Variants in TENM3 observed in about 807,000 individuals in gnomAD.
TENM3 encodes the protein teneurin-3.
Under a neutral mutation model 255.1 loss-of-function variants are expected in TENM3, and 63 were observed. That is an observed-to-expected ratio of 0.25 (90% CI 0.20 to 0.30). TENM3 has a LOEUF of 0.30. Ranked by LOEUF, TENM3 falls within the 10% of genes least tolerant of loss-of-function variation. The probability of loss-of-function intolerance (pLI) is 1.00; values close to 1 mark genes in which losing one functional copy is unlikely to be tolerated. For synonymous variants in TENM3, 1,306 were observed against 1,322.3 expected, an observed-to-expected ratio of 0.99 and a Z score of 0.27; for missense variants, 2,929 against 3,461.1, an observed-to-expected ratio of 0.85 and a Z score of 3.86.
intron 18 of TENM3, among the ~76,000 whole-genome samples, chr4:182,740,220 T>C (rs1485119746): frequency 1.3e-5 from 2 of 152,180 alleles, no homozygotes; most frequent in African/African-American, 4.8e-5. Context: ...TGCAGTTCAG[T>C]TTGCACCCCG....
chr4:181,518,102 A>G, the TENM3 span, among the ~76,000 whole-genome samples: 61 of 152,220 alleles, frequency 4.0e-4, no homozygotes, highest in African/African-American at 1.4e-3. Flanking sequence ...CAACGGTTGT[A>G]TAATTGACCT....
At chr4:182,653,532 A>G (rs1753504326) in intron 5 of TENM3, among the ~76,000 whole-genome samples, 1 of 152,198 alleles carries the variant, frequency 6.6e-6, no homozygotes. Flanking sequence ...CCTGGTACCA[A>G]TGAAGTGAAT....
At chr4:182,419,333 C>G (rs148028359) in intron 3 of TENM3, among the ~76,000 whole-genome samples, 2,532 of 152,244 alleles carry the variant, frequency 0.017, 53 homozygotes, top group East Asian at 0.068. Flanking sequence ...CCATCTCACA[C>G]CAGTTCGAAT....
chr4:182,353,565 A>G (rs1765320504), intron 3 of TENM3, among the ~76,000 whole-genome samples: 2 of 152,330 alleles, frequency 1.3e-5, no homozygotes, highest in Admixed American at 6.5e-5. Flanking sequence ...TACATTTACA[A>G]TTTCAATAGT....
the TENM3 span, among the ~76,000 whole-genome samples, chr4:181,795,090 G>A: frequency 1.3e-5 from 2 of 152,154 alleles, no homozygotes; most frequent in Non-Finnish European, 2.9e-5. Context: ...TTCTACTCTT[G>A]CATGCTTGCT....
chr4:182,507,153 A>AG (rs1736914775), intron 3 of TENM3, among the ~76,000 whole-genome samples: 2 of 152,128 alleles, frequency 1.3e-5, no homozygotes, highest in Non-Finnish European at 2.9e-5. Flanking sequence ...CTAAGGAAAA[A>AG]AAAAGCACAC....
intron 3 of TENM3, among the ~76,000 whole-genome samples, chr4:182,410,105 G>A (rs544674976): frequency 6.6e-6 from 1 of 152,310 alleles, no homozygotes; most frequent in East Asian, 1.9e-4. Context: ...GGGGTTACAG[G>A]CATGGGCCAC....
chr4:181,722,956 C>G, the TENM3 span, among the ~76,000 whole-genome samples: 2 of 152,008 alleles, frequency 1.3e-5, no homozygotes, highest in Non-Finnish European at 2.9e-5. Flanking sequence ...ACAGTGGAAC[C>G]ACTCTCAGGG....
At chr4:182,386,028 C>CT (rs1158871746) in intron 3 of TENM3, among the ~76,000 whole-genome samples, 2 of 152,124 alleles carry the variant, frequency 1.3e-5, no homozygotes, top group Non-Finnish European at 2.9e-5. Flanking sequence ...ATTAGCATTG[C>CT]TTTTTTATGT....
intron 3 of TENM3, among the ~76,000 whole-genome samples, chr4:182,569,027 A>C (rs1190246251): frequency 6.6e-6 from 1 of 152,164 alleles, no homozygotes; most frequent in Non-Finnish European, 1.5e-5. Context: ...GTAGAAGAGA[A>C]CTTTCTGGGT....
intron 1 of TENM3, among the ~76,000 whole-genome samples, chr4:182,223,651 A>G (rs1357554640): frequency 6.6e-6 from 1 of 152,180 alleles, no homozygotes; most frequent in African/African-American, 2.4e-5. Context: ...GCTCAGAGAC[A>G]TTAAGTGCCA....
At chr4:182,607,322 C>T (rs748618708) in intron 4 of TENM3, among the ~76,000 whole-genome samples, 1 of 152,030 alleles carries the variant, frequency 6.6e-6, no homozygotes, top group Admixed American at 6.6e-5. Context: ...TGAAATTAAA[C>T]CATGGTTAAT....
At chr4:182,700,574 G>C (rs1322655066) in intron 12 of TENM3, among the ~76,000 whole-genome samples, 2 of 152,066 alleles carry the variant, frequency 1.3e-5, no homozygotes, top group African/African-American at 4.8e-5. Context: ...TCTTTTTTGA[G>C]TGCCTCTTTA....
the TENM3 span, among the ~76,000 whole-genome samples, chr4:182,103,004 C>T: frequency 6.6e-6 from 1 of 152,130 alleles, no homozygotes; most frequent in South Asian, 2.1e-4. Flanking sequence ...AGAGAATTAG[C>T]TTATGAAAAG....
the TENM3 span, among the ~76,000 whole-genome samples, chr4:181,967,771 G>C: frequency 6.6e-6 from 1 of 152,140 alleles, no homozygotes; most frequent in Non-Finnish European, 1.5e-5. Context: ...GTCAAACAGA[G>C]TGAGGTATGG....
intron 4 of TENM3, among the ~76,000 whole-genome samples, chr4:182,621,522 G>A (rs1402073732): frequency 1.2e-4 from 1 of 8,330 alleles, no homozygotes; most frequent in African/African-American, 1.4e-4. Flanking sequence ...CAGCACTTTG[G>A]GAGGCCAAGG....
intron 3 of TENM3, among the ~76,000 whole-genome samples, chr4:182,520,284 T>G (rs1018972908): frequency 3.9e-5 from 6 of 152,158 alleles, no homozygotes; most frequent in Non-Finnish European, 8.8e-5. Context: ...TATTTCTACA[T>G]TGTAGCAACA....
At chr4:182,472,998 C>T (rs777546516) in intron 3 of TENM3, among the ~76,000 whole-genome samples, 3 of 152,142 alleles carry the variant, frequency 2.0e-5, no homozygotes, top group African/African-American at 7.2e-5. Context: ...TAATTATAAA[C>T]AAATACTATA....
chr4:182,199,558 T>C (rs1196731024), intron 1 of TENM3, among the ~76,000 whole-genome samples: 5 of 152,082 alleles, frequency 3.3e-5, no homozygotes, highest in Non-Finnish European at 4.4e-5. Context: ...AATCGACCCA[T>C]GAAAAAGTGT....
Sources: allele counts gnomAD v4.1 joint callset (sites outside exome capture counted in the v4.1 genomes callset), GRCh38; gene constraint gnomAD v4.1.1; transcripts MANE v1.5; gene names NCBI Gene and HGNC (gene_info 2026-07-23, HGNC 2026-07-21).